PKD2L2: variants seen among roughly 807,000 people sequenced by gnomAD.
The protein encoded by PKD2L2 is polycystin-2-like protein 2.
PKD2L2 carries 67 observed loss-of-function variants against 83.9 expected under a neutral mutation model. That is an observed-to-expected ratio of 0.80 (90% CI 0.66 to 0.98). The LOEUF (loss-of-function observed/expected upper bound fraction) is 0.98. PKD2L2 is among the 50% of genes least tolerant of loss of function. PKD2L2 has a pLI of 0.00. For synonymous variants in PKD2L2, 223 were observed against 237.8 expected, an observed-to-expected ratio of 0.94 and a Z score of 0.57; for missense variants, 632 against 717.2, an observed-to-expected ratio of 0.88 and a Z score of 1.36.
Position 137,922,190 on chromosome 5 carries a change from A to C in PKD2L2, c.1449+434A>C, listed in dbSNP as rs1360644147. 2.6e-5 allele frequency among the ~76,000 whole-genome samples: 4 copies of C among 152,308 alleles called. No individual in the cohort carries two copies. The East Asian group carries it at 7.7e-4, about 29-fold the overall frequency. On this transcript the variant is annotated intron_variant, in intron 9 of 14. Transcript: ENST00000508883. ...CAGAACAAGTCTATTTGGGCCTCCT[A>C]ACCAAGGAATCTTGCCTTTCTAGTT...
intron 12 of PKD2L2, 104 bp from the exon 13 acceptor site, chr5:137,935,693 A>G: frequency 1.5e-6 from 1 of 650,838 alleles, no homozygotes; most frequent in South Asian, 2.0e-5. Context: ...TGAGGGCTGG[A>G]GAGGAGAACA....
intron 7 of PKD2L2, 71 bp downstream of exon 7, chr5:137,907,983 C>T (rs1757497698): frequency 1.4e-6 from 1 of 710,918 alleles, no homozygotes; most frequent in Non-Finnish European, 2.1e-6. Flanking sequence ...ACTAAAAAGC[C>T]ATGGGGAAAA....
intron 11 of PKD2L2, 38 bp downstream of exon 11, chr5:137,925,142 T>G (rs1759271058): frequency 7.8e-7 from 1 of 1,279,360 alleles, no homozygotes; most frequent in African/African-American, 1.5e-5. Context: ...CTTACCATTT[T>G]AAAGTTCCAC....
At chr5:137,917,504 C>T (rs964270146) in intron 8 of PKD2L2, among the ~76,000 whole-genome samples, 2 of 152,106 alleles carry the variant, frequency 1.3e-5, no homozygotes, top group African/African-American at 4.8e-5. Context: ...TCAATAATGT[C>T]AATTATCCTA....
chr5:137,931,022 G>T (rs1174979297), intron 12 of PKD2L2, among the ~76,000 whole-genome samples: 3 of 152,034 alleles, frequency 2.0e-5, no homozygotes, highest in Non-Finnish European at 4.4e-5. Context: ...AATTACAATG[G>T]GGGAAATAAG....
chr5:137,941,692 A>C (rs1124472), intron 14 of PKD2L2, among the ~76,000 whole-genome samples: 5,000 of 152,344 alleles, frequency 0.033, 124 homozygotes, highest in Middle Eastern at 0.054. Flanking sequence ...TAAAGAATAT[A>C]AAATCACTGC....
Position 137,894,620 on chromosome 5 carries a change from T to G in PKD2L2, c.524+11T>G. Reference sequence around the variant, plus strand: ...TCAAATTAATACTGAGTAAGTAGCATAAAATTATACTGTAACTTTTTCTAG... The same window carrying G: ...TCAAATTAATACTGAGTAAGTAGCAGAAAATTATACTGTAACTTTTTCTAG... On this transcript the variant is annotated intron_variant, in intron 4 of 14. Coordinates refer to ENST00000508883, the MANE Select transcript of PKD2L2 (RefSeq NM_001300921.2). The G allele has an allele frequency of 6.3e-7, 1 of 1,594,958 alleles. No individual in the cohort carries two copies. The highest frequency in any genetic ancestry group is 8.6e-7 in the Non-Finnish European group (1 of 1,166,418).
chr5:137,910,078 T>G (rs1286511702), intron 8 of PKD2L2, among the ~76,000 whole-genome samples: 3 of 151,656 alleles, frequency 2.0e-5, no homozygotes, highest in Non-Finnish European at 4.4e-5. Context: ...AAAAAACAAC[T>G]AGCTGGATGT....
At chr5:137,907,020 T>C (rs1757427429) in intron 6 of PKD2L2, among the ~76,000 whole-genome samples, 1 of 152,096 alleles carries the variant, frequency 6.6e-6, no homozygotes, top group Non-Finnish European at 1.5e-5. Context: ...CCGAGACAAA[T>C]GTTAAGAGTT....
intron 9 of PKD2L2, 98 bp downstream of exon 9, chr5:137,921,854 G>C: frequency 1.1e-6 from 1 of 926,712 alleles, no homozygotes; most frequent in Non-Finnish European, 1.6e-6. Context: ...AGCTGTCAGA[G>C]TACTTTACAT....
chr5:137,939,426 G>A (rs3777118), intron 14 of PKD2L2: 112,682 of 152,614 alleles, frequency 0.74, 42,256 homozygotes, highest in East Asian at 0.97. Flanking sequence ...GGGGAATAGC[G>A]CGGATCTGAT....
intron 8 of PKD2L2, among the ~76,000 whole-genome samples, chr5:137,918,657 A>C (rs1322477577): frequency 6.6e-6 from 1 of 152,204 alleles, no homozygotes; most frequent in Admixed American, 6.5e-5. Flanking sequence ...TTGAGATAAA[A>C]GCTGAAATTG....
At chr5:137,917,113 T>TG (rs1304021217) in intron 8 of PKD2L2, among the ~76,000 whole-genome samples, 1 of 151,888 alleles carries the variant, frequency 6.6e-6, no homozygotes, top group Non-Finnish European at 1.5e-5. Flanking sequence ...ATGTGTATGT[T>TG]GGTCTACTTG....
Position 137,942,602 on chromosome 5 carries a change from A to C in PKD2L2, c.*236A>C. 2.7e-6 allele frequency: 1 copy of C among 366,208 alleles called. No individual in the cohort carries two copies. The allele number at this position is 366,208 out of a possible 1,614,324, so 22.7% of individuals were successfully genotyped here. A position where few individuals can be genotyped will look rare whatever the true frequency, so the allele number is the denominator to read the frequency against. On this transcript the variant is annotated 3_prime_UTR_variant, in exon 15 of 15. Coordinates refer to ENST00000508883, the MANE Select transcript of PKD2L2 (RefSeq NM_001300921.2). ...GGTCTTGAACTCCTGGCCTCAAGGG[A>C]TCCTCCTGCCTCAGCTTCAAAAACT...
chr5:137,917,159 TTTC>T (rs1758438797), intron 8 of PKD2L2, among the ~76,000 whole-genome samples: 1 of 91,906 alleles, frequency 1.1e-5, no homozygotes, highest in African/African-American at 3.6e-5. Flanking sequence ...TCTGTTCACT[TTTC>T]TTTTTTTTTT....
Position 137,942,694 on chromosome 5 carries a change from T to C in PKD2L2, c.*328T>C. On this transcript the variant is annotated 3_prime_UTR_variant, in exon 15 of 15. Coordinates refer to ENST00000508883, the MANE Select transcript of PKD2L2 (RefSeq NM_001300921.2). ...TTTTTTAATTTTTGAAATACAGTAA[T>C]GTTTTATTTAAAAATGGGAATGACA... 2 of 578,494 alleles carry C rather than the reference T, an allele frequency of 3.5e-6. No homozygotes were observed. Among genetic ancestry groups the C allele is most frequent in the Non-Finnish European group, 5.8e-6 (2 of 346,486 alleles). 35.8% of individuals were successfully genotyped at this position (578,494 alleles called of 1,614,324 possible). A position where few individuals can be genotyped will look rare whatever the true frequency, so the allele number is the denominator to read the frequency against.
At chr5:137,897,907 G>A (rs1020365874) in intron 4 of PKD2L2, among the ~76,000 whole-genome samples, 1 of 151,580 alleles carries the variant, frequency 6.6e-6, no homozygotes, top group East Asian at 1.9e-4. Context: ...AGGAATCAAA[G>A]CTTTCTTTTT....
chr5:137,920,494 C>T (rs1232860542), intron 8 of PKD2L2, among the ~76,000 whole-genome samples: 3 of 152,076 alleles, frequency 2.0e-5, no homozygotes, highest in Admixed American at 1.3e-4. Flanking sequence ...CACAGTGGCT[C>T]ATGCTTGTAA....
At chr5:137,903,178 C>CA (rs560100693) in intron 5 of PKD2L2, among the ~76,000 whole-genome samples, 144 of 152,322 alleles carry the variant, frequency 9.5e-4, no homozygotes, top group African/African-American at 3.2e-3. Flanking sequence ...ACATGTATCT[C>CA]ATCCGTCTTC....
Sources: allele counts gnomAD v4.1 joint callset (sites outside exome capture counted in the v4.1 genomes callset), GRCh38; gene constraint gnomAD v4.1.1; transcripts MANE v1.5; gene names NCBI Gene and HGNC (gene_info 2026-07-23, HGNC 2026-07-21).